CHPF: variants seen among roughly 807,000 people sequenced by gnomAD.
CHPF encodes chondroitin polymerizing factor.
In CHPF, 34 loss-of-function variants were observed where a neutral mutation model predicts 55.1. The observed-to-expected ratio is 0.62, with a 90% CI of 0.47 to 0.82. The LOEUF (loss-of-function observed/expected upper bound fraction) is 0.82, where lower values mean the gene tolerates loss of function less well. CHPF is among the 40% of genes least tolerant of loss of function. The pLI is 0.00. For missense variants in CHPF, 961 were observed against 1,106.1 expected (o/e 0.87, Z 1.86); for synonymous variants, 489 against 496.6 (o/e 0.98, Z 0.20).
In CHPF at chr2:219,539,478, A is replaced by T. The variant is rs369909200; in HGVS notation, c.2233T>A (p.Tyr745Asn). 1.4e-5 allele frequency: 23 copies of T among 1,613,520 alleles called. No individual in the cohort carries two copies. The African/African-American group carries it at 2.5e-4, about 18-fold the overall frequency. The change falls in exon 4 of 4, where the codon TAC (tyrosine) becomes AAC (asparagine). Residue 745 changes from tyrosine to asparagine, a missense_variant. Coordinates refer to ENST00000243776, the MANE Select transcript of CHPF (RefSeq NM_024536.6). ...TCSARLSEDL[Y>N]HRCLQSVLEG... is the part of the protein sequence containing the mutation. ...AGCACGCTCTGGAGGCAGCGGTGGT[A>T]CAGGTCCTCACTGAGCCTCGCGCTG...
rs1220821681 is a variant in CHPF at position 219,540,138 on chromosome 2, A to G, written c.1573T>C (p.Phe525Leu). ...GCTGCAGTGGCAAAGGCCTCCAAGAAGCCAGGGGCCAGGTCACGCTCAGCC... is the reference window on the plus strand; with the variant it reads ...GCTGCAGTGGCAAAGGCCTCCAAGAGGCCAGGGGCCAGGTCACGCTCAGCC... ...AAAERDLAPGFLEAFATAALE... is the reference protein window; with the variant it reads ...AAAERDLAPGLLEAFATAALE... Residue 525 changes from phenylalanine (F) to leucine (L), a missense_variant, in exon 4 of 4, where the codon TTC becomes CTC. Phe to Leu is a conservative substitution (Grantham distance 22). Transcript: ENST00000243776. 2 of 1,601,066 alleles carry G rather than the reference A, an allele frequency of 1.2e-6. No homozygotes were observed. The highest frequency in any genetic ancestry group is 2.3e-5 in the East Asian group (1 of 43,948).
intron 2 of CHPF, 119 bp downstream of exon 2, chr2:219,541,497 T>G: frequency 1.3e-6 from 1 of 788,246 alleles, no homozygotes; most frequent in Non-Finnish European, 2.0e-6. Context: ...GTCACAGAGA[T>G]AGAAAATAAA....
intron 2 of CHPF, chr2:219,541,372 T>G: frequency 1.8e-6 from 1 of 549,936 alleles, no homozygotes; most frequent in Non-Finnish European, 3.1e-6. Context: ...CAAATGCCTA[T>G]TATGTACAAG....
Position 219,541,318 on chromosome 2 carries a change from G to A in CHPF, c.889-193C>T, listed in dbSNP as rs546389868. 185 of 593,976 alleles carry A rather than the reference G, an allele frequency of 3.1e-4. 1 individual carries two copies. The highest frequency in any genetic ancestry group is 1.0e-3 in the South Asian group (41 of 40,932). The allele number at this position is 593,976 out of a possible 1,614,324, so 36.8% of individuals were successfully genotyped here. On this transcript the variant is annotated intron_variant, in intron 2 of 3. Coordinates refer to ENST00000243776, the MANE Select transcript of CHPF (RefSeq NM_024536.6). ...TAGCTCATCTGCGAAATGGGCATGC[G>A]TCCTGTCTCAGAGCTGTCCAAGGGC... is the stretch of plus-strand genomic sequence containing the variant.
In CHPF at chr2:219,541,140, G is replaced by C. The variant is rs767135417; in HGVS notation, c.889-15C>G. On this transcript the variant is annotated splice_polypyrimidine_tract_variant and intron_variant, in intron 2 of 3. Coordinates refer to ENST00000243776, the MANE Select transcript of CHPF (RefSeq NM_024536.6). ...TAGTGCACCCCCTGGGGAGAGGAAG[G>C]GAAGGGATCTGTGATGAGCTGGCAT... The C allele has an allele frequency of 8.9e-6, 14 of 1,572,702 alleles. No individual in the cohort carries two copies. Among genetic ancestry groups the C allele is most frequent in the Non-Finnish European group, 4.3e-6 (5 of 1,161,372 alleles).
At chr2:219,542,889 C>A (rs1285687805) in intron 1 of CHPF, 2 of 1,111,830 alleles carry the variant, frequency 1.8e-6, no homozygotes, top group East Asian at 5.0e-5. Flanking sequence ...TCTCCTTTCT[C>A]TTCCCCTGTC....
Position 219,539,307 on chromosome 2 carries a change from T to G in CHPF, c.*76A>C. The G allele has an allele frequency of 7.0e-7, 1 of 1,424,222 alleles. No homozygotes were observed. The highest frequency in any genetic ancestry group is 2.3e-5 in the East Asian group (1 of 43,192). The allele number at this position is 1,424,222 out of a possible 1,614,324, so 88.2% of individuals were successfully genotyped here. ...TACGGCCAGCCCTGCCCAGCGAGGCTGGCAGGTGGCTCTGGTTTTGGGGGA... is the reference window on the plus strand; with the variant it reads ...TACGGCCAGCCCTGCCCAGCGAGGCGGGCAGGTGGCTCTGGTTTTGGGGGA... On this transcript the variant is annotated 3_prime_UTR_variant, in exon 4 of 4. Transcript: ENST00000243776.
chr2:219,541,292 C>T (rs1245923781), intron 2 of CHPF, among the ~76,000 whole-genome samples, 167 bp from the exon 3 acceptor site: 2 of 152,226 alleles, frequency 1.3e-5, no homozygotes, highest in Non-Finnish European at 1.5e-5. Context: ...CATGCCTCCG[C>T]TAGCTCATCT....
At position 219,542,114 on chromosome 2, in the gene CHPF, C is replaced by T. The variant is rs1442851951; in HGVS notation, c.390G>A (p.Leu130=). The change falls in exon 2 of 4, where the codon CTG becomes CTA. Residue 130 remains leucine, a synonymous_variant. Transcript: ENST00000243776. ...GGTTCACGGCCACGCCCAGCGTGGGCAGCGTGGTCTGAGAGGTCAGCACCG... is the reference window on the plus strand; with the variant it reads ...GGTTCACGGCCACGCCCAGCGTGGGTAGCGTGGTCTGAGAGGTCAGCACCG... ...LVAVLTSQTT[L]PTLGVAVNRT... is the part of the protein sequence containing the mutation. 4 of 1,569,160 alleles carry T rather than the reference C, an allele frequency of 2.5e-6. No homozygotes were observed. Among genetic ancestry groups the T allele is most frequent in the Non-Finnish European group, 1.7e-6 (2 of 1,163,876 alleles).
Position 219,539,813 on chromosome 2 carries a change from A to G in CHPF, c.1898T>C (p.Ile633Thr). 1 of 1,613,566 alleles carries G rather than the reference A, an allele frequency of 6.2e-7. No individual in the cohort carries two copies. Among genetic ancestry groups the G allele is most frequent in the Non-Finnish European group, 8.5e-7 (1 of 1,180,022 alleles). ...GGGAAAGAAGGCCTGCCAGCCGGAGATGGCATGCATGCGGCAGCGGTTCAG... is the reference window on the plus strand; with the variant it reads ...GGGAAAGAAGGCCTGCCAGCCGGAGGTGGCATGCATGCGGCAGCGGTTCAG... ...DFLNRCRMHA[I>T]SGWQAFFPMH... The change falls in exon 4 of 4, where the codon ATC (isoleucine) becomes ACC (threonine). Residue 633 changes from isoleucine (I) to threonine (T), a missense_variant. This residue lies in a region of CHPF where 936 missense variants were observed against 1,058.4 expected (regional missense o/e 0.88). Transcript: ENST00000243776.
chr2:219,542,590 T>C (rs1339525791), intron 1 of CHPF, among the ~76,000 whole-genome samples: 2 of 152,242 alleles, frequency 1.3e-5, no homozygotes, highest in African/African-American at 4.8e-5. Context: ...TATGCCATTA[T>C]GCCACAAATG....
Position 219,540,259 on chromosome 2 carries a change from T to C in CHPF, c.1452A>G (p.Arg484=), listed in dbSNP as rs1412251592. Residue 484 remains arginine, a synonymous_variant, in exon 4 of 4, where the codon CGA becomes CGG. Transcript: ENST00000243776. ...GGCTCAGCGGCCGGAGCAGCTGCAC[T>C]CGGCGAGTGAGGGGCCGGCGGCCTC... The part of the protein sequence containing the change: ...PQGGRRPLTR[R]VQLLRPLSRV... The C allele has an allele frequency of 6.2e-7, 1 of 1,613,646 alleles. No individual in the cohort carries two copies. The highest frequency in any genetic ancestry group is 8.5e-7 in the Non-Finnish European group (1 of 1,179,870).
intron 2 of CHPF, 25 bp downstream of exon 2, chr2:219,541,588 GTAT>G: frequency 6.7e-7 from 1 of 1,502,620 alleles, no homozygotes; most frequent in East Asian, 2.4e-5. Flanking sequence ...TGACAAGGAG[GTAT>G]CAGTGGGATA....
At chr2:219,540,920 C>CT (rs1695257338) in intron 3 of CHPF, 26 bp downstream of exon 3, 1 of 1,603,784 alleles carries the variant, frequency 6.2e-7, no homozygotes, top group African/African-American at 1.3e-5. Context: ...CCCCGTCACT[C>CT]TGCCACCCCC....
intron 3 of CHPF, 57 bp downstream of exon 3, chr2:219,540,889 C>G: frequency 6.3e-7 from 1 of 1,586,848 alleles, no homozygotes. Context: ...TCTGGGCTCT[C>G]TGTGACTTCT....
intron 3 of CHPF, 57 bp from the exon 4 acceptor site, chr2:219,540,699 C>G: frequency 6.7e-7 from 1 of 1,491,384 alleles, no homozygotes; most frequent in Non-Finnish European, 9.0e-7. Flanking sequence ...CAGCACACAG[C>G]TGGGGGACTG....
Position 219,539,715 on chromosome 2 carries a change from T to C in CHPF, c.1996A>G (p.Thr666Ala), listed in dbSNP as rs760342408. 6.2e-7 allele frequency: 1 copy of C among 1,613,328 alleles called. No homozygotes were observed. Among genetic ancestry groups the C allele is most frequent in the Non-Finnish European group, 8.5e-7 (1 of 1,179,886 alleles). The change falls in exon 4 of 4, where the codon ACT (threonine) becomes GCT (alanine). Residue 666 changes from threonine (T) to alanine (A), a missense_variant. Around this residue, in one of 3 missense-constraint regions of CHPF, gnomAD observed 936 missense variants for 1,058.4 expected, o/e 0.88. Coordinates refer to ENST00000243776, the MANE Select transcript of CHPF (RefSeq NM_024536.6). Reference protein sequence around the residue: ...GPGPPELGRDTGRFDRQAASE... With the variant: ...GPGPPELGRDAGRFDRQAASE... ...GCTGCCTGGCGATCAAAGCGGCCAGTGTCACGGCCCAGCTCTGGGGGCCCA... is the reference window on the plus strand; with the variant it reads ...GCTGCCTGGCGATCAAAGCGGCCAGCGTCACGGCCCAGCTCTGGGGGCCCA...
At position 219,540,075 on chromosome 2, in the gene CHPF, G is replaced by A. The variant is rs749888212; in HGVS notation, c.1636C>T (p.Leu546=). Residue 546 remains leucine, a synonymous_variant, in exon 4 of 4, where the codon CTG becomes TTG. Transcript: ENST00000243776. ...PGDAAAALTL[L]LLYEPRQAQR... ...GCCTGGCGCGGCTCATACAGTAGCA[G>A]CAGGGTCAGGGCTGCCGCAGCATCA... The A allele has an allele frequency of 1.7e-5, 28 of 1,608,700 alleles. No homozygotes were observed. Among genetic ancestry groups the A allele is most frequent in the East Asian group, 2.2e-5 (1 of 44,638 alleles).
At position 219,542,171 on chromosome 2, in the gene CHPF, C is replaced by A; in HGVS notation, c.333G>T (p.Thr111=). The stretch of plus-strand genomic sequence containing the variant: ...GCAGCCTCTGCCTGATGCCCAGCTC[C>A]GTGCTGATGTAGCGGGTCCTAGGGG... ...KKAVRTRYIS[T]ELGIRQRLLV... is the part of the protein sequence containing the mutation. Residue 111 remains threonine, a synonymous_variant, in exon 2 of 4, where the codon ACG becomes ACT. Coordinates refer to ENST00000243776, the MANE Select transcript of CHPF (RefSeq NM_024536.6). The A allele has an allele frequency of 6.7e-7, 1 of 1,498,670 alleles. No individual in the cohort carries two copies. The highest frequency in any genetic ancestry group is 2.4e-5 in the East Asian group (1 of 42,030). The allele number at this position is 1,498,670 out of a possible 1,614,324, so 92.8% of individuals were successfully genotyped here. A position where few individuals can be genotyped will look rare whatever the true frequency, so the allele number is the denominator to read the frequency against.
Sources: allele counts gnomAD v4.1 joint callset (sites outside exome capture counted in the v4.1 genomes callset), GRCh38; gene constraint gnomAD v4.1.1; regional missense constraint gnomAD v4.1.1; transcripts MANE v1.5; gene names NCBI Gene and HGNC (gene_info 2026-07-23, HGNC 2026-07-21).